ABCD4: variants seen among roughly 807,000 people sequenced by gnomAD.
The protein encoded by ABCD4 is lysosomal cobalamin transporter ABCD4.
Under a neutral mutation model 86.3 loss-of-function variants are expected in ABCD4, and 53 were observed. The ratio of observed to expected loss-of-function variants is 0.61; its 90% CI spans 0.49 to 0.77. The LOEUF (loss-of-function observed/expected upper bound fraction) is 0.77, where lower values mean the gene tolerates loss of function less well. ABCD4 is among the 30% of genes least tolerant of loss of function. ABCD4 has a pLI of 0.00. For synonymous variants in ABCD4, 328 were observed against 313.6 expected, an observed-to-expected ratio of 1.05 and a Z score of -0.49; for missense variants, 757 against 764.5, an observed-to-expected ratio of 0.99 and a Z score of 0.12.
intron 7 of ABCD4, chr14:74,293,497 G>A (rs1265291566): frequency 2.6e-6 from 1 of 391,958 alleles, no homozygotes; most frequent in African/African-American, 2.0e-5. Context: ...GTTACTAGCT[G>A]CGTGACACAG....
intron 14 of ABCD4, 162 bp from the exon 15 acceptor site, chr14:74,288,927 C>A (rs2080624164): frequency 1.0e-6 from 1 of 981,074 alleles, no homozygotes; most frequent in Non-Finnish European, 1.5e-6. Flanking sequence ...CCCTGGCCAA[C>A]ATGGTGAAAC....
chr14:74,296,592 A>G, intron 4 of ABCD4, 143 bp from the exon 5 acceptor site: 2 of 711,166 alleles, frequency 2.8e-6, no homozygotes, highest in Non-Finnish European at 4.7e-6. Flanking sequence ...GGAACCAGAC[A>G]AGGCTGGTTT....
intron 11 of ABCD4, among the ~76,000 whole-genome samples, 188 bp downstream of exon 11, chr14:74,292,099 T>C (rs1011300620): frequency 6.6e-6 from 1 of 152,086 alleles, no homozygotes; most frequent in African/African-American, 2.4e-5. Context: ...GGGAATGGTG[T>C]AAATTAACAC....
intron 2 of ABCD4, 41 bp downstream of exon 2, chr14:74,300,109 A>G: frequency 8.7e-7 from 1 of 1,143,666 alleles, no homozygotes. Context: ...ACCCCAAACC[A>G]GAGCTCCCCT....
intron 6 of ABCD4, 59 bp from the exon 7 acceptor site, chr14:74,295,257 T>TG: frequency 6.3e-7 from 1 of 1,597,220 alleles, no homozygotes; most frequent in Non-Finnish European, 8.6e-7. Context: ...TCACTCTTGT[T>TG]GGAGTCCTGG....
At chr14:74,291,329 A>G (rs796813772) in intron 11 of ABCD4, among the ~76,000 whole-genome samples, 1 of 152,332 alleles carries the variant, frequency 6.6e-6, no homozygotes, top group South Asian at 2.1e-4. Context: ...CCCTTATGGG[A>G]CTGATCTTAC....
chr14:74,299,059 G>A (rs2083609501), intron 3 of ABCD4: 2 of 155,258 alleles, frequency 1.3e-5, no homozygotes, highest in Admixed American at 1.3e-4. Context: ...TGAAAGAGGT[G>A]ACAACGGAGG....
chr14:74,291,995 G>A (rs1342852582), intron 11 of ABCD4, among the ~76,000 whole-genome samples: 4 of 152,180 alleles, frequency 2.6e-5, no homozygotes, highest in South Asian at 4.1e-4. Flanking sequence ...GCAGGGAGAG[G>A]AATCAGCGGG....
chr14:74,298,905 A>ACTGTGC (rs2083566155), intron 3 of ABCD4, among the ~76,000 whole-genome samples: 1 of 152,218 alleles, frequency 6.6e-6, no homozygotes, highest in African/African-American at 2.4e-5. Context: ...AGCACTAGGG[A>ACTGTGC]CATTATGAGC....
At chr14:74,289,993 G>A in intron 13 of ABCD4, 34 bp downstream of exon 13, 1 of 1,613,816 alleles carries the variant, frequency 6.2e-7, no homozygotes, top group Non-Finnish European at 8.5e-7. Flanking sequence ...GCGGGGTTGA[G>A]GAGGGAGGAG....
chr14:74,288,371 T>C lies in ABCD4; in HGVS notation c.1507-112A>G, dbSNP rs1378601920. 7 of 1,063,814 alleles carry C rather than the reference T, an allele frequency of 6.6e-6. No individual in the cohort carries two copies. The South Asian group carries it at 9.1e-5, about 14-fold the overall frequency. 65.9% of individuals were successfully genotyped at this position (1,063,814 alleles called of 1,614,324 possible). A position where few individuals can be genotyped will look rare whatever the true frequency, so the allele number is the denominator to read the frequency against. Reference sequence around the variant, plus strand: ...TACACACACACCTCTAAGACAAATATATGCCCCAGTGGCATACCAAGGCGG... The same window carrying C: ...TACACACACACCTCTAAGACAAATACATGCCCCAGTGGCATACCAAGGCGG... On this transcript the variant is annotated intron_variant, in intron 15 of 18. Transcript: ENST00000356924.
At chr14:74,296,592 A>C in intron 4 of ABCD4, 143 bp from the exon 5 acceptor site, 1 of 711,166 alleles carries the variant, frequency 1.4e-6, no homozygotes, top group East Asian at 2.7e-5. Flanking sequence ...GGAACCAGAC[A>C]AGGCTGGTTT....
Position 74,288,263 on chromosome 14 carries a change from T to C in ABCD4, c.1507-4A>G, listed in dbSNP as rs1354392618. On this transcript the variant is annotated splice_region_variant and splice_polypyrimidine_tract_variant and intron_variant, in intron 15 of 18. Coordinates refer to ENST00000356924, the MANE Select transcript of ABCD4 (RefSeq NM_005050.4). ...CTGTCCTTGCCACCAAGTTGGACTGTAACAGACCCAGAGGGCAGGATGTCC... is the reference window on the plus strand; with the variant it reads ...CTGTCCTTGCCACCAAGTTGGACTGCAACAGACCCAGAGGGCAGGATGTCC... The C allele has an allele frequency of 6.2e-7, 1 of 1,605,340 alleles. No homozygotes were observed. Among genetic ancestry groups the C allele is most frequent in the Non-Finnish European group, 8.5e-7 (1 of 1,175,794 alleles).
At chr14:74,297,557 C>T (rs1368079232) in intron 4 of ABCD4, 6 of 213,202 alleles carry the variant, frequency 2.8e-5, no homozygotes, top group Non-Finnish European at 4.9e-5. Context: ...CTGCTCCTAA[C>T]ATTTTTCTTT....
chr14:74,295,051 CCT>C (rs1361974807), intron 7 of ABCD4, 95 bp downstream of exon 7: 22 of 1,467,420 alleles, frequency 1.5e-5, no homozygotes, highest in African/African-American at 2.8e-5. Flanking sequence ...ACACTCAGCC[CCT>C]GAGCTCGGTG....
At chr14:74,293,113 C>A (rs2081982511) in intron 8 of ABCD4, 41 bp downstream of exon 8, 1 of 1,596,220 alleles carries the variant, frequency 6.3e-7, no homozygotes, top group African/African-American at 1.3e-5. Context: ...GCAGACCAGT[C>A]CAACCCCATG....
intron 10 of ABCD4, 35 bp from the exon 11 acceptor site, chr14:74,292,411 G>A: frequency 5.6e-6 from 9 of 1,611,236 alleles, no homozygotes; most frequent in Non-Finnish European, 7.6e-6. Context: ...GCAGGGTCTG[G>A]GAGCCAGGTG....
chr14:74,289,208 C>T (rs909332327), intron 14 of ABCD4: 21 of 1,286,804 alleles, frequency 1.6e-5, no homozygotes, highest in Non-Finnish European at 2.1e-5. Context: ...GGCTTTGAAA[C>T]CACAGGTTGC....
chr14:74,291,344 T>C (rs1332015731), intron 11 of ABCD4, among the ~76,000 whole-genome samples: 1 of 152,214 alleles, frequency 6.6e-6, no homozygotes, highest in Non-Finnish European at 1.5e-5. Flanking sequence ...TCTTACTCAG[T>C]CTAATGCCCA....
Sources: gnomAD v4.1 joint callset for allele counts (sites outside exome capture counted in the v4.1 genomes callset) on GRCh38, gnomAD v4.1.1 for gene constraint, MANE v1.5 for transcripts, NCBI Gene and HGNC (gene_info 2026-07-23, HGNC 2026-07-21) for gene names.